The following LYST variants were observed in gnomAD, a reference collection of about 807,000 sequenced individuals.
LYST encodes lysosomal trafficking regulator, also known as lysosomal-trafficking regulator.
Under a neutral mutation model 413.6 loss-of-function variants are expected in LYST, and 192 were observed. The ratio of observed to expected loss-of-function variants is 0.46; its 90% CI spans 0.41 to 0.52. LYST has a LOEUF of 0.52. LYST is among the 20% of genes least tolerant of loss of function. The pLI, the probability that LYST is intolerant of heterozygous loss-of-function variation, is 0.00. For synonymous variants in LYST, 1,525 were observed against 1,567.3 expected (o/e 0.97, Z 0.64); for missense variants, 3,815 against 4,499.9 (o/e 0.85, Z 4.35).
At chr1:235,797,541 C>T (rs1335669271) in intron 10 of LYST, among the ~76,000 whole-genome samples, 3 of 152,034 alleles carry the variant, frequency 2.0e-5, no homozygotes, top group Non-Finnish European at 2.9e-5. Context: ...CTTCAACAAA[C>T]GATGCTGAGA....
chr1:235,803,123 T>TC, intron 7 of LYST, 59 bp from the exon 8 acceptor site: 1 of 1,346,568 alleles, frequency 7.4e-7, no homozygotes, highest in Non-Finnish European at 1.1e-6. Flanking sequence ...AATAGAATAC[T>TC]TATTACTCAA....
chr1:235,810,479 A>G lies in LYST; in HGVS notation c.339T>C (p.Ser113=). 6.2e-7 allele frequency: 1 copy of G among 1,611,432 alleles called. No homozygotes were observed. The change falls in exon 5 of 53, where the codon AGT becomes AGC. Residue 113 remains serine (S), a synonymous_variant. Coordinates refer to ENST00000389793, the MANE Select transcript of LYST (RefSeq NM_000081.4). The part of the protein sequence containing the change: ...DIILTKEKNS[S]SQRSTQEKLH... ...ATTTTTCCTGAGTGGATCTTTGTGA[A>G]CTTGAGTTCTTTTCTTTGGTCAGGA...
chr1:235,663,735 A>G (rs1658211131), intron 52 of LYST, among the ~76,000 whole-genome samples: 1 of 152,224 alleles, frequency 6.6e-6, no homozygotes, highest in Admixed American at 6.5e-5. Context: ...CTATGATTCC[A>G]GAGACACACT....
At chr1:235,702,708 C>G (rs1661642281) in intron 45 of LYST, 39 bp downstream of exon 45, 1 of 1,525,478 alleles carries the variant, frequency 6.6e-7, no homozygotes, top group Admixed American at 1.7e-5. Context: ...AGAGTCTAAT[C>G]AGGTTTTGCT....
At chr1:235,715,061 G>T in intron 42 of LYST, 140 bp downstream of exon 42, 2 of 802,282 alleles carry the variant, frequency 2.5e-6, no homozygotes, top group Non-Finnish European at 4.0e-6. Context: ...AGCACTTTGG[G>T]CAAGGAATAA....
intron 47 of LYST, among the ~76,000 whole-genome samples, chr1:235,689,109 T>G (rs898688791): frequency 5.9e-5 from 9 of 151,672 alleles, no homozygotes; most frequent in African/African-American, 2.2e-4. Flanking sequence ...AAATATATCT[T>G]TAGAAATGTA....
At chr1:235,671,869 T>G (rs1658969972) in intron 50 of LYST, among the ~76,000 whole-genome samples, 1 of 152,160 alleles carries the variant, frequency 6.6e-6, no homozygotes, top group African/African-American at 2.4e-5. Flanking sequence ...AGTGTGAAAG[T>G]TAGACTGAAA....
At position 235,750,026 on chromosome 1, in the gene LYST, T is replaced by G. The variant is rs79086262; in HGVS notation, c.7780+1184A>C. 3.0e-3 allele frequency among the ~76,000 whole-genome samples: 464 copies of G among 152,170 alleles called. 2 individuals carry two copies. The highest frequency in any genetic ancestry group is 0.01 in the African/African-American group (435 of 41,514). ...ATCAATACAAAAGAAACAGCAGGGG[T>G]AGTAAAGGTATACTTTCTGATATCA... On this transcript the variant is annotated intron_variant, in intron 28 of 52. Coordinates refer to ENST00000389793, the MANE Select transcript of LYST (RefSeq NM_000081.4).
At position 235,854,879 on chromosome 1, in the gene LYST, T is replaced by A. The variant is rs572378505; in HGVS notation, c.-98+11964A>T. ...TATTTTCTGTTTAATCTAAATATGC[T>A]ACCACTAAAAATGTTACTCATATCC... On this transcript the variant is annotated intron_variant, in intron 1 of 52. Coordinates refer to ENST00000389793, the MANE Select transcript of LYST (RefSeq NM_000081.4). The surrounding 1 kb of genome is among the most constrained non-coding windows in gnomAD (Gnocchi z 4.1). Among the ~76,000 whole-genome samples, 1 of 152,324 alleles carries A rather than the reference T, an allele frequency of 6.6e-6. No individual in the cohort carries two copies. Among genetic ancestry groups the A allele is most frequent in the East Asian group, 1.9e-4 (1 of 5,184 alleles).
At chr1:235,666,769 C>T (rs1303882669) in intron 50 of LYST, among the ~76,000 whole-genome samples, 2 of 152,070 alleles carry the variant, frequency 1.3e-5, no homozygotes, top group Non-Finnish European at 2.9e-5. Context: ...GGCTACATTT[C>T]AACCTTTCTT....
chr1:235,670,058 A>C (rs1306743801), intron 50 of LYST, among the ~76,000 whole-genome samples: 1 of 152,212 alleles, frequency 6.6e-6, no homozygotes, highest in Admixed American at 6.5e-5. Context: ...TGCTCTGTAC[A>C]CAGGCCCCAC....
rs1658029022 is a variant in LYST at position 235,661,286 on chromosome 1, A to C, written c.*1654T>G. On this transcript the variant is annotated 3_prime_UTR_variant, in exon 53 of 53. Transcript: ENST00000389793. ...TATTTTCTCTTTAGATAAATGATGAAATTCGGTTTTTAAAAAAAGATGAGT... is the reference window on the plus strand; with the variant it reads ...TATTTTCTCTTTAGATAAATGATGACATTCGGTTTTTAAAAAAAGATGAGT... The C allele has an allele frequency of 6.6e-6, 1 of 152,632 alleles. No homozygotes were observed. The highest frequency in any genetic ancestry group is 6.5e-5 in the Admixed American group (1 of 15,278). The allele number at this position is 152,632 out of a possible 1,614,324, so 9.5% of individuals were successfully genotyped here.
At chr1:235,719,627 T>A (rs199703181) in intron 40 of LYST, among the ~76,000 whole-genome samples, 110 of 136,968 alleles carry the variant, frequency 8.0e-4, no homozygotes, top group Middle Eastern at 3.9e-3. Flanking sequence ...TGCAGAATGA[T>A]AAAAAAAAAA....
In LYST at chr1:235,662,947, G is replaced by GC; in HGVS notation, c.11398dup (p.Ala3800GlyfsTer19). On this transcript the variant is annotated frameshift_variant, in exon 53 of 53. Transcript: ENST00000389793. LOFTEE classifies it high-confidence loss of function. ...CGTGAAGTTCATTCGCATTCACCCGGCTGCATAGCTGCTAAGGAAGGAATA... is the reference window on the plus strand; with the variant it reads ...CGTGAAGTTCATTCGCATTCACCCGGCCTGCATAGCTGCTAAGGAAGGAATA... 1 of 1,541,096 alleles carries GC rather than the reference G, an allele frequency of 6.5e-7. No individual in the cohort carries two copies.
Position 235,744,124 on chromosome 1 carries a change from G to A in LYST, c.8006C>T (p.Thr2669Ile). Residue 2669 changes from threonine to isoleucine, a missense_variant, in exon 30 of 53, where the codon ACT becomes ATT. Around this residue, in one of 4 missense-constraint regions of LYST, gnomAD observed 771 missense variants for 837.1 expected, o/e 0.92. Transcript: ENST00000389793. ...CTTGCTTTGAGTTACATTTTCTGGA[G>A]TTCTCAAAATGTCAATAATGTCTGA... is the stretch of plus-strand genomic sequence containing the variant. ...FNSDIIDILR[T>I]PENVTQSKTS... The A allele has an allele frequency of 6.3e-7, 1 of 1,599,086 alleles. No homozygotes were observed. The highest frequency in any genetic ancestry group is 8.6e-7 in the Non-Finnish European group (1 of 1,166,832).
rs1301027238 is a variant in LYST, at chr1:235,802,956, C to T, written c.3664G>A (p.Glu1222Lys). Residue 1222 changes from glutamate to lysine, a missense_variant, in exon 8 of 53, where the codon GAA (glutamate) becomes AAA (lysine). Around this residue, in one of 4 missense-constraint regions of LYST, gnomAD observed 1,648 missense variants for 1,810.3 expected, o/e 0.91. Coordinates refer to ENST00000389793, the MANE Select transcript of LYST (RefSeq NM_000081.4). ...FKLLVEEEGY[E>K]ADSESNPEDG... ...TCAGGATTGCTTTCACTATCTGCTT[C>T]GTAACCTTCTTCTTCAACTAAAAGT... The T allele has an allele frequency of 4.3e-6, 7 of 1,613,554 alleles. No individual in the cohort carries two copies. Among genetic ancestry groups the T allele is most frequent in the East Asian group, 2.2e-5 (1 of 44,776 alleles).
chr1:235,737,959 G>GAA, intron 31 of LYST: 6 of 1,300,220 alleles, frequency 4.6e-6, no homozygotes, highest in East Asian at 6.0e-5. Context: ...CGCCGGACGT[G>GAA]CATTCTCGAT....
chr1:235,781,892 G>C (rs1481803539), intron 15 of LYST, 35 bp downstream of exon 15: 1 of 1,398,096 alleles, frequency 7.2e-7, no homozygotes, highest in Non-Finnish European at 1.0e-6. Flanking sequence ...TGTCGCCCAG[G>C]CTGAAGTGCA....
chr1:235,715,485 C>T (rs1662759241), intron 41 of LYST, 128 bp from the exon 42 acceptor site: 1 of 827,090 alleles, frequency 1.2e-6, no homozygotes, highest in East Asian at 2.7e-5. Context: ...GGCTGGCCCT[C>T]CCACTCTTAC....
Sources: gnomAD v4.1 joint callset for allele counts (sites outside exome capture counted in the v4.1 genomes callset) on GRCh38, gnomAD v4.1.1 for gene constraint, gnomAD v4.1.1 regional missense constraint, Gnocchi (gnomAD v3.1) non-coding constraint, MANE v1.5 for transcripts, NCBI Gene and HGNC (gene_info 2026-07-23, HGNC 2026-07-21) for gene names.